PIP4K2A: variants seen among roughly 807,000 people sequenced by gnomAD.
The protein encoded by PIP4K2A is phosphatidylinositol 5-phosphate 4-kinase type-2 alpha.
In PIP4K2A, 14 loss-of-function variants were observed where a neutral mutation model predicts 42.9. The ratio of observed to expected loss-of-function variants is 0.33; its 90% CI spans 0.22 to 0.51. PIP4K2A has a LOEUF of 0.51. PIP4K2A is among the 20% of genes least tolerant of loss of function. The probability of loss-of-function intolerance (pLI) is 0.97; values close to 1 mark genes in which losing one functional copy is unlikely to be tolerated. For missense variants in PIP4K2A, 434 were observed against 519.8 expected (o/e 0.83, Z 1.61); for synonymous variants, 192 against 192.2 (o/e 1.00, Z 0.01).
chr10:22,567,256 C>G (rs1044118407), intron 6 of PIP4K2A, among the ~76,000 whole-genome samples: 2 of 152,220 alleles, frequency 1.3e-5, no homozygotes, highest in East Asian at 3.8e-4. Flanking sequence ...TCTCTATAAT[C>G]TTGCACAGTA....
chr10:22,589,698 T>C (rs1289442736), intron 4 of PIP4K2A, among the ~76,000 whole-genome samples: 1 of 152,244 alleles, frequency 6.6e-6, no homozygotes, highest in Non-Finnish European at 1.5e-5. Context: ...AAAGGGATGT[T>C]TAAACAGACA....
rs148441489 is a variant in PIP4K2A, at chr10:22,613,863, G to A, written c.145-4146C>T. 4.8e-3 allele frequency among the ~76,000 whole-genome samples: 727 copies of A among 152,314 alleles called. 5 individuals carry two copies. The highest frequency in any genetic ancestry group is 0.014 in the Middle Eastern group (4 of 294). On this transcript the variant is annotated intron_variant, in intron 1 of 9. Transcript: ENST00000376573. ...TGCTGGCTGAGTGTGACATAAAGGG[G>A]AAAGGAGTTCCAGGACCATCACTTG...
At chr10:22,653,811 T>C (rs763907197) in intron 1 of PIP4K2A, among the ~76,000 whole-genome samples, 1 of 151,974 alleles carries the variant, frequency 6.6e-6, no homozygotes, top group African/African-American at 2.4e-5. Flanking sequence ...AAGGCGGAGG[T>C]TGCAGTGAGC....
chr10:22,546,775 T>G (rs1468321201), intron 7 of PIP4K2A, among the ~76,000 whole-genome samples: 2 of 152,144 alleles, frequency 1.3e-5, no homozygotes, highest in Non-Finnish European at 2.9e-5. Context: ...ATCTGAGATT[T>G]TTCGTGGGCT....
chr10:22,644,710 T>C lies in PIP4K2A; in HGVS notation c.145-34993A>G, dbSNP rs527885160. On this transcript the variant is annotated intron_variant, in intron 1 of 9. Coordinates refer to ENST00000376573, the MANE Select transcript of PIP4K2A (RefSeq NM_005028.5). ...TCATTTTTAACATTTTCTCTCCGCC[T>C]CCTAGAATGTAAGACAGGACAGTAG... Among the ~76,000 whole-genome samples the C allele has an allele frequency of 1.1e-4, 17 of 152,348 alleles. No individual in the cohort carries two copies. The East Asian group carries it at 1.5e-3, about 14-fold the overall frequency.
At chr10:22,538,231 C>T (rs1835986832) in intron 9 of PIP4K2A, among the ~76,000 whole-genome samples, 1 of 152,182 alleles carries the variant, frequency 6.6e-6, no homozygotes, top group Admixed American at 6.5e-5. Flanking sequence ...CTTAACACAG[C>T]GTTCCTTTGC....
intron 1 of PIP4K2A, among the ~76,000 whole-genome samples, chr10:22,702,451 T>C (rs1421290409): frequency 1.3e-5 from 2 of 152,332 alleles, no homozygotes; most frequent in East Asian, 3.8e-4. Context: ...TAGAAATGCA[T>C]TCATAGTCTT....
rs1255211837 is a variant in PIP4K2A, at chr10:22,649,017, C to T, written c.145-39300G>A. Among the ~76,000 whole-genome samples, 5 of 152,122 alleles carry T rather than the reference C, an allele frequency of 3.3e-5. No homozygotes were observed. In the South Asian group the frequency reaches 8.3e-4, roughly 25 times the overall value. ...TACCAGTTTTTAGAGCCAGAAAGCA[C>T]TAATAAAAATAATTTACTAATCTGG... On this transcript the variant is annotated intron_variant, in intron 1 of 9. Coordinates refer to ENST00000376573, the MANE Select transcript of PIP4K2A (RefSeq NM_005028.5).
intron 1 of PIP4K2A, among the ~76,000 whole-genome samples, chr10:22,630,714 T>G (rs1157661260): frequency 6.6e-6 from 1 of 152,178 alleles, no homozygotes; most frequent in South Asian, 2.1e-4. Context: ...ACTCAAAAAC[T>G]TGAGCAACAG....
At chr10:22,566,737 C>G (rs1376024453) in intron 6 of PIP4K2A, among the ~76,000 whole-genome samples, 1 of 152,182 alleles carries the variant, frequency 6.6e-6, no homozygotes, top group African/African-American at 2.4e-5. Context: ...TCCTATTGAT[C>G]CTTCAGGTTT....
At chr10:22,627,591 T>TAAATAAAAAAAAAAAAAAAA (rs1838469660) in intron 1 of PIP4K2A, among the ~76,000 whole-genome samples, 1 of 56,994 alleles carries the variant, frequency 1.8e-5, no homozygotes, top group South Asian at 8.2e-4. Context: ...TAATATGTAA[T>TAAATAAAAAAAAAAAAAAAA]AAAAAAAAAA....
chr10:22,584,153 T>A (rs1213457334), intron 4 of PIP4K2A, among the ~76,000 whole-genome samples: 1 of 151,848 alleles, frequency 6.6e-6, no homozygotes, highest in Non-Finnish European at 1.5e-5. Flanking sequence ...ATTACAGAGG[T>A]GGGAACTCTC....
At chr10:22,695,838 A>AC (rs1839959152) in intron 1 of PIP4K2A, among the ~76,000 whole-genome samples, 1 of 151,902 alleles carries the variant, frequency 6.6e-6, no homozygotes, top group African/African-American at 2.4e-5. Flanking sequence ...TACTTATATT[A>AC]TTTTTCATTT....
chr10:22,550,783 T>C lies in PIP4K2A; in HGVS notation c.679-11A>G. 1 of 1,494,580 alleles carries C rather than the reference T, an allele frequency of 6.7e-7. No individual in the cohort carries two copies. The highest frequency in any genetic ancestry group is 9.3e-7 in the Non-Finnish European group (1 of 1,072,864). The allele number at this position is 1,494,580 out of a possible 1,614,324, so 92.6% of individuals were successfully genotyped here. A position where few individuals can be genotyped will look rare whatever the true frequency, so the allele number is the denominator to read the frequency against. On this transcript the variant is annotated splice_polypyrimidine_tract_variant and intron_variant, in intron 6 of 9. Transcript: ENST00000376573. The stretch of plus-strand genomic sequence containing the variant: ...TGGCAGTTCTTTGGCCTAAAACAAA[T>C]GAGAAAAACAATGACAAAGGCGCTT...
intron 5 of PIP4K2A, chr10:22,569,094 G>C: frequency 7.0e-7 from 1 of 1,434,024 alleles, no homozygotes. Context: ...GGCTTTCATC[G>C]AGCAGCTCAG....
At chr10:22,598,580 G>A (rs1359593027) in intron 3 of PIP4K2A, among the ~76,000 whole-genome samples, 1 of 152,216 alleles carries the variant, frequency 6.6e-6, no homozygotes, top group African/African-American at 2.4e-5. Context: ...CATGGGCAAA[G>A]GACATAGATG....
chr10:22,570,206 C>T (rs1235942412), intron 5 of PIP4K2A, among the ~76,000 whole-genome samples: 1 of 152,162 alleles, frequency 6.6e-6, no homozygotes, highest in East Asian at 1.9e-4. Context: ...GGACACAATA[C>T]ATATGTATCT....
chr10:22,580,172 C>G (rs1049528348), intron 4 of PIP4K2A, among the ~76,000 whole-genome samples: 13 of 151,828 alleles, frequency 8.6e-5, no homozygotes, highest in Admixed American at 3.9e-4. Context: ...CAAGGACTCT[C>G]CATAATTAAT....
At chr10:22,603,065 A>G (rs1159500580) in intron 3 of PIP4K2A, among the ~76,000 whole-genome samples, 1 of 152,244 alleles carries the variant, frequency 6.6e-6, no homozygotes, top group African/African-American at 2.4e-5. Context: ...AGGTCTTAAC[A>G]CTTTAGAATT....
Sources: gnomAD v4.1 joint callset for allele counts (sites outside exome capture counted in the v4.1 genomes callset) on GRCh38, gnomAD v4.1.1 for gene constraint, MANE v1.5 for transcripts, NCBI Gene and HGNC (gene_info 2026-07-23, HGNC 2026-07-21) for gene names.